The following STAG1 variants were observed in gnomAD, a reference collection of about 807,000 sequenced individuals.
STAG1 encodes STAG1 cohesin complex component.
In STAG1, 26 loss-of-function variants were observed where a neutral mutation model predicts 170.9. That is an observed-to-expected ratio of 0.15 (90% confidence interval 0.11 to 0.21). The LOEUF is 0.21. Among genes scored for constraint, STAG1 ranks in the 10% least tolerant of loss-of-function variants. The pLI, the probability that STAG1 is intolerant of heterozygous loss-of-function variation, is 1.00. For missense variants in STAG1, 964 were observed against 1,509.5 expected (o/e 0.64, Z 5.99); for synonymous variants, 514 against 497.7 (o/e 1.03, Z -0.44).
At chr3:136,564,507 T>C (rs1015059255) in intron 5 of STAG1, among the ~76,000 whole-genome samples, 6 of 151,970 alleles carry the variant, frequency 3.9e-5, no homozygotes, top group African/African-American at 7.3e-5. Flanking sequence ...AAATGTTTTC[T>C]TTTCATATGT....
chr3:136,402,800 G>A (rs922711688), intron 21 of STAG1, among the ~76,000 whole-genome samples: 1 of 151,784 alleles, frequency 6.6e-6, no homozygotes, highest in Non-Finnish European at 1.5e-5. Context: ...GTACCCCAGC[G>A]TGGGTGACAG....
At chr3:136,394,692 C>T (rs2087101748) in intron 22 of STAG1, among the ~76,000 whole-genome samples, 1 of 151,844 alleles carries the variant, frequency 6.6e-6, no homozygotes, top group Admixed American at 6.6e-5. Flanking sequence ...GAGGCGAAGA[C>T]AGGCAATCCC....
intron 6 of STAG1, among the ~76,000 whole-genome samples, chr3:136,530,784 T>C (rs1192557377): frequency 6.6e-6 from 1 of 152,076 alleles, no homozygotes; most frequent in Non-Finnish European, 1.5e-5. Context: ...TGAAAGTTTA[T>C]AGAAATAAAC....
chr3:136,403,659 T>C (rs1158959262), intron 21 of STAG1, among the ~76,000 whole-genome samples: 3 of 152,162 alleles, frequency 2.0e-5, no homozygotes, highest in African/African-American at 4.8e-5. Flanking sequence ...AAGAGTAATG[T>C]TGAAGAATTG....
intron 7 of STAG1, among the ~76,000 whole-genome samples, chr3:136,515,764 A>G (rs1039221014): frequency 6.6e-6 from 1 of 152,204 alleles, no homozygotes; most frequent in Non-Finnish European, 1.5e-5. Context: ...AGATTCAAAA[A>G]AGTAATTACA....
At chr3:136,379,216 A>ACT (rs1168597563) in intron 22 of STAG1, among the ~76,000 whole-genome samples, 2 of 152,196 alleles carry the variant, frequency 1.3e-5, no homozygotes, top group Non-Finnish European at 2.9e-5. Flanking sequence ...GAAACAGATA[A>ACT]GAGAACAGGC....
chr3:136,416,438 G>A (rs2087775040), intron 21 of STAG1, among the ~76,000 whole-genome samples: 1 of 152,206 alleles, frequency 6.6e-6, no homozygotes, highest in Non-Finnish European at 1.5e-5. Context: ...ACACTGTGAA[G>A]CTGTCACAAG....
intron 12 of STAG1, among the ~76,000 whole-genome samples, chr3:136,467,598 G>A (rs536317754): frequency 2.6e-5 from 4 of 152,052 alleles, no homozygotes; most frequent in South Asian, 4.2e-4. Context: ...TAGACAGATC[G>A]ATGAGACAGA....
At chr3:136,417,695 A>G in intron 21 of STAG1, 190 bp downstream of exon 21, 1 of 490,854 alleles carries the variant, frequency 2.0e-6, no homozygotes, top group Non-Finnish European at 3.6e-6. Context: ...AGTTTTTTCT[A>G]CTCTTAACAC....
chr3:136,413,410 T>A (rs1019181215), intron 21 of STAG1, among the ~76,000 whole-genome samples: 29 of 151,076 alleles, frequency 1.9e-4, no homozygotes, highest in African/African-American at 6.5e-4. Flanking sequence ...AAATTTATTT[T>A]AAAAAATTAT....
At chr3:136,528,496 C>CCCT (rs1935189820) in intron 6 of STAG1, among the ~76,000 whole-genome samples, 1 of 55,336 alleles carries the variant, frequency 1.8e-5, no homozygotes, top group African/African-American at 4.3e-5. Context: ...GTCCCCGCAC[C>CCCT]CCCCCCCCCA....
chr3:136,538,462 A>G (rs1181762803), intron 6 of STAG1, among the ~76,000 whole-genome samples: 2 of 147,940 alleles, frequency 1.4e-5, no homozygotes, highest in South Asian at 4.2e-4. Context: ...TCTGTTGCCC[A>G]GGCTGGAATG....
At chr3:136,596,618 AC>A (rs1355667499) in intron 4 of STAG1, among the ~76,000 whole-genome samples, 12 of 152,236 alleles carry the variant, frequency 7.9e-5, no homozygotes, top group Non-Finnish European at 1.8e-4. Flanking sequence ...AATATAAAAA[AC>A]ATGATGTTAA....
intron 1 of STAG1, among the ~76,000 whole-genome samples, chr3:136,747,781 T>A (rs1271727887): frequency 3.3e-5 from 5 of 151,580 alleles, no homozygotes; most frequent in Non-Finnish European, 5.9e-5. Flanking sequence ...TACGTAATTT[T>A]TTTTTTTTTT....
chr3:136,593,972 TA>T (rs1397187735), intron 4 of STAG1, among the ~76,000 whole-genome samples: 1 of 152,214 alleles, frequency 6.6e-6, no homozygotes, highest in African/African-American at 2.4e-5. Flanking sequence ...AATGTCTCAG[TA>T]TCATTTGTTT....
intron 4 of STAG1, among the ~76,000 whole-genome samples, chr3:136,599,545 T>C (rs764648015): frequency 6.6e-6 from 1 of 151,792 alleles, no homozygotes; most frequent in Non-Finnish European, 1.5e-5. Flanking sequence ...ATAAATAAAA[T>C]AAAATAAAAT....
At chr3:136,394,466 A>G (rs1473828530) in intron 22 of STAG1, among the ~76,000 whole-genome samples, 2 of 152,152 alleles carry the variant, frequency 1.3e-5, no homozygotes, top group African/African-American at 4.8e-5. Flanking sequence ...AAAACACATA[A>G]AAGATGCTGC....
chr3:136,415,820 T>TCAAA (rs1473654420), intron 21 of STAG1, among the ~76,000 whole-genome samples: 3 of 152,136 alleles, frequency 2.0e-5, no homozygotes, highest in Non-Finnish European at 4.4e-5. Flanking sequence ...AGACTCGGTC[T>TCAAA]CAAACAAACA....
chr3:136,646,701 T>C (rs982094745), intron 1 of STAG1, among the ~76,000 whole-genome samples: 2 of 150,672 alleles, frequency 1.3e-5, no homozygotes, highest in Non-Finnish European at 3.0e-5. Context: ...AGGTCAGGAG[T>C]TCAAGATCAG....
Sources: gnomAD v4.1 joint callset for allele counts (sites outside exome capture counted in the v4.1 genomes callset) on GRCh38, gnomAD v4.1.1 for gene constraint, MANE v1.5 for transcripts, NCBI Gene and HGNC (gene_info 2026-07-23, HGNC 2026-07-21) for gene names.